CNTN3: variants seen among roughly 807,000 people sequenced by gnomAD.
CNTN3 encodes the protein contactin 3.
A neutral mutation model predicts 119.1 loss-of-function variants in CNTN3; 60 were observed. The ratio of observed to expected loss-of-function variants is 0.50; its 90% CI spans 0.41 to 0.62. The LOEUF (loss-of-function observed/expected upper bound fraction) is 0.62, where lower values mean the gene tolerates loss of function less well. Among genes scored for constraint, CNTN3 ranks in the 20% least tolerant of loss-of-function variants. CNTN3 has a pLI of 0.00. For missense variants in CNTN3, 1,101 were observed against 1,242.4 expected (o/e 0.89, Z 1.71); for synonymous variants, 450 against 438.7 (o/e 1.03, Z -0.32).
intron 5 of CNTN3, among the ~76,000 whole-genome samples, chr3:74,403,244 T>G (rs1025695490): frequency 2.6e-5 from 4 of 152,140 alleles, no homozygotes; most frequent in African/African-American, 9.7e-5. Context: ...AGATGGACAG[T>G]TTCAACAAAA....
At chr3:74,361,177 A>G (rs990886337) in intron 11 of CNTN3, among the ~76,000 whole-genome samples, 22 of 152,154 alleles carry the variant, frequency 1.4e-4, no homozygotes, top group African/African-American at 5.3e-4. Context: ...GTAACAGCCA[A>G]TACTTACGCT....
At chr3:74,299,609 G>C (rs1186379763) in intron 17 of CNTN3, among the ~76,000 whole-genome samples, 1 of 152,154 alleles carries the variant, frequency 6.6e-6, no homozygotes, top group African/African-American at 2.4e-5. Flanking sequence ...GAAAATACAT[G>C]CTAAATGCTG....
chr3:74,271,252 G>A (rs1701770612), intron 20 of CNTN3, among the ~76,000 whole-genome samples: 1 of 151,862 alleles, frequency 6.6e-6, no homozygotes, highest in African/African-American at 2.4e-5. Context: ...TCATCCACGG[G>A]CAGTTACGAT....
chr3:74,431,861 A>G (rs947857868), intron 4 of CNTN3, among the ~76,000 whole-genome samples: 1 of 152,208 alleles, frequency 6.6e-6, no homozygotes, highest in African/African-American at 2.4e-5. Flanking sequence ...TGATCACAGC[A>G]TGAAGAGCGA....
intron 1 of CNTN3, among the ~76,000 whole-genome samples, chr3:74,600,278 T>C (rs1704888241): frequency 6.6e-6 from 1 of 152,076 alleles, no homozygotes; most frequent in African/African-American, 2.4e-5. Flanking sequence ...TGAAATCCTA[T>C]AAATGTGGAG....
intron 1 of CNTN3, among the ~76,000 whole-genome samples, chr3:74,573,054 G>T (rs1159704513): frequency 6.6e-6 from 1 of 152,200 alleles, no homozygotes; most frequent in Non-Finnish European, 1.5e-5. Flanking sequence ...TCGGAGAGTA[G>T]ATTCCCACAA....
intron 5 of CNTN3, among the ~76,000 whole-genome samples, chr3:74,376,460 G>T (rs1243620758): frequency 1.3e-5 from 2 of 152,180 alleles, no homozygotes; most frequent in African/African-American, 4.8e-5. Context: ...CCGAACATGT[G>T]AGGGATCTAG....
At chr3:74,296,921 T>C (rs1351238642) in intron 18 of CNTN3, among the ~76,000 whole-genome samples, 1 of 151,948 alleles carries the variant, frequency 6.6e-6, no homozygotes, top group Non-Finnish European at 1.5e-5. Context: ...TTGTTGCTGA[T>C]CTATGAAATG....
At chr3:74,548,087 C>T (rs1011392449) in intron 1 of CNTN3, among the ~76,000 whole-genome samples, 1 of 152,116 alleles carries the variant, frequency 6.6e-6, no homozygotes, top group African/African-American at 2.4e-5. Flanking sequence ...CTTTGGTATA[C>T]AATCGACCAC....
intron 5 of CNTN3, among the ~76,000 whole-genome samples, chr3:74,403,217 G>C (rs985083388): frequency 2.6e-5 from 4 of 152,104 alleles, no homozygotes; most frequent in Admixed American, 1.3e-4. Flanking sequence ...TCAAATAGGG[G>C]ACTCCTCAAG....
intron 13 of CNTN3, among the ~76,000 whole-genome samples, chr3:74,319,135 C>T (rs187070580): frequency 0.011 from 1,677 of 152,184 alleles, 15 homozygotes; most frequent in Middle Eastern, 0.02. Context: ...AAGCTACCAA[C>T]GACTTTCTTC....
intron 1 of CNTN3, among the ~76,000 whole-genome samples, chr3:74,577,842 A>C (rs935259102): frequency 2.0e-5 from 3 of 152,154 alleles, no homozygotes; most frequent in African/African-American, 7.2e-5. Context: ...CATTACTGAA[A>C]CATATGCAAT....
At chr3:74,370,558 T>A (rs1704310213) in intron 6 of CNTN3, among the ~76,000 whole-genome samples, 1 of 152,092 alleles carries the variant, frequency 6.6e-6, no homozygotes, top group Non-Finnish European at 1.5e-5. Context: ...TAAGAAACAA[T>A]GACTTAATAA....
intron 1 of CNTN3, among the ~76,000 whole-genome samples, chr3:74,531,416 C>A (rs1703691280): frequency 6.6e-6 from 1 of 151,856 alleles, no homozygotes; most frequent in African/African-American, 2.4e-5. Context: ...ACAGGAAGTA[C>A]AACCAACAAT....
chr3:74,506,096 T>C (rs960797740), intron 2 of CNTN3, among the ~76,000 whole-genome samples: 43 of 152,276 alleles, frequency 2.8e-4, no homozygotes, highest in African/African-American at 9.1e-4. Context: ...CATCCTCTAA[T>C]TGCAACCTGC....
intron 13 of CNTN3, among the ~76,000 whole-genome samples, chr3:74,323,941 G>A (rs1026742058): frequency 2.6e-5 from 4 of 151,810 alleles, no homozygotes; most frequent in South Asian, 4.1e-4. Flanking sequence ...TTTAAAATTT[G>A]GAGGAACTGA....
At chr3:74,349,769 C>A (rs1028441865) in intron 11 of CNTN3, among the ~76,000 whole-genome samples, 8 of 152,110 alleles carry the variant, frequency 5.3e-5, no homozygotes, top group Admixed American at 4.6e-4. Flanking sequence ...AGGGATTGGT[C>A]TATGGTTAAA....
At position 74,361,901 on chromosome 3, in the gene CNTN3, C is replaced by T. The variant is rs780279835; in HGVS notation, c.1353G>A (p.Gln451=). Reference sequence around the variant, plus strand: ...GGACATCAAAATACCTTTCATGCTCCTGCACGCTCACATCCCCCTTCTTCC... The same window carrying T: ...GGACATCAAAATACCTTTCATGCTCTTGCACGCTCACATCCCCCTTCTTCC... ...SSWKKGDVSV[Q]EHERISLLND... The change falls in exon 11 of 23, where the codon CAG becomes CAA. Residue 451 remains glutamine, a synonymous_variant. Transcript: ENST00000263665. 8 of 1,612,204 alleles carry T rather than the reference C, an allele frequency of 5.0e-6. No homozygotes were observed. Among genetic ancestry groups the T allele is most frequent in the Non-Finnish European group, 6.8e-6 (8 of 1,179,008 alleles).
At chr3:74,391,557 CTTTTTTT>C (rs554976641) in intron 5 of CNTN3, among the ~76,000 whole-genome samples, 7 of 87,032 alleles carry the variant, frequency 8.0e-5, no homozygotes, top group East Asian at 3.5e-4. Context: ...CCCATAGTTT[CTTTTTTT>C]TTTTTTTTTT....
Sources: gnomAD v4.1 joint callset for allele counts (sites outside exome capture counted in the v4.1 genomes callset) on GRCh38, gnomAD v4.1.1 for gene constraint, MANE v1.5 for transcripts, NCBI Gene and HGNC (gene_info 2026-07-23, HGNC 2026-07-21) for gene names.